The following DMTN variants were observed in gnomAD, a reference collection of about 807,000 sequenced individuals.
The protein encoded by DMTN is dematin actin binding protein.
Under a neutral mutation model 59.4 loss-of-function variants are expected in DMTN, and 27 were observed. That is an observed-to-expected ratio of 0.45 (90% confidence interval 0.33 to 0.63). The LOEUF (loss-of-function observed/expected upper bound fraction) is 0.63. Ranked by LOEUF, DMTN falls within the 20% of genes least tolerant of loss-of-function variation. The probability of loss-of-function intolerance (pLI) is 0.02; values close to 1 mark genes in which losing one functional copy is unlikely to be tolerated. For synonymous variants in DMTN, 221 were observed against 203.7 expected (o/e 1.08, Z -0.72); for missense variants, 451 against 528.9 (o/e 0.85, Z 1.45).
At position 22,061,749 on chromosome 8, in the gene DMTN, ATTTT is replaced by A. The variant is rs1175743497; in HGVS notation, c.-172+4631_-172+4634del. On this transcript the variant is annotated intron_variant, in intron 1 of 15. Coordinates refer to ENST00000358242, the MANE Select transcript of DMTN (RefSeq NM_001387751.1). ...AGATCTGCAGAGAACCTTAATTCTCATTTTTTTTTTTTTTTTTTTTTGGAGACAG... is the reference window on the plus strand; with the variant it reads ...AGATCTGCAGAGAACCTTAATTCTCATTTTTTTTTTTTTTTTTGGAGACAG... 3.8e-4 allele frequency among the ~76,000 whole-genome samples: 45 copies of A among 119,720 alleles called. 1 individual carries two copies. The highest frequency in any genetic ancestry group is 2.9e-3 in the East Asian group (13 of 4,444). 78.5% of individuals were successfully genotyped at this position (119,720 alleles called of 152,430 possible). A position where few individuals can be genotyped will look rare whatever the true frequency, so the allele number is the denominator to read the frequency against.
chr8:22,061,296 A>AAAAAG (rs1393382647), intron 1 of DMTN, among the ~76,000 whole-genome samples: 3 of 146,320 alleles, frequency 2.1e-5, no homozygotes, highest in African/African-American at 8.2e-5. Context: ...AAAAAAAAAA[A>AAAAAG]AAAGAAAGAA....
rs138134793 is a variant in DMTN, at chr8:22,072,339, G to A, written c.618G>A (p.Arg206=). ...PSLAVVETEW[R]KRKASRRGAE... ...TGTGTCTCCTAGAGACAGAATGGAG[G>A]AAGCGGAAGGCGTCTCGGAGGGGAG... Residue 206 remains arginine (R), a synonymous_variant, in exon 9 of 16, where the codon AGG becomes AGA. Transcript: ENST00000358242. The A allele has an allele frequency of 3.7e-5, 60 of 1,601,926 alleles. No homozygotes were observed. The Middle Eastern group carries it at 5.0e-4, about 13-fold the overall frequency.
At position 22,065,827 on chromosome 8, in the gene DMTN, CTTT is replaced by C. The variant is rs76626050; in HGVS notation, c.-171-852_-171-850del. On this transcript the variant is annotated intron_variant, in intron 1 of 15. Coordinates refer to ENST00000358242, the MANE Select transcript of DMTN (RefSeq NM_001387751.1). The stretch of plus-strand genomic sequence containing the variant: ...TCCGGCCTGGGCGACAGAGCAAGAC[CTTT>C]TTTTTTTTTTTTTTTTTTTTTTTTT... Among the ~76,000 whole-genome samples, 14 of 74,594 alleles carry C rather than the reference CTTT, an allele frequency of 1.9e-4. 1 individual carries two copies. Among genetic ancestry groups the C allele is most frequent in the Non-Finnish European group, 3.4e-4 (14 of 41,340 alleles). The allele number at this position is 74,594 out of a possible 152,430, so 48.9% of individuals were successfully genotyped here.
In DMTN at chr8:22,079,267, TAA is replaced by T. The variant is rs1491538257; in HGVS notation, c.836-911_836-910del. ...TCTACAAAAAATAAAAATAAATAAA[TAA>T]ATAAATAAATATATATATATATATA... On this transcript the variant is annotated intron_variant, in intron 10 of 15. Coordinates refer to ENST00000358242, the MANE Select transcript of DMTN (RefSeq NM_001387751.1). 2.1e-3 allele frequency among the ~76,000 whole-genome samples: 99 copies of T among 46,986 alleles called. 2 individuals are homozygous for T. Among genetic ancestry groups the T allele is most frequent in the South Asian group, 6.7e-3 (7 of 1,050 alleles). The allele number at this position is 46,986 out of a possible 152,430, so 30.8% of individuals were successfully genotyped here.
rs571082795 is a variant in DMTN, at chr8:22,080,822, G to A, written c.975G>A (p.Arg325=). The A allele has an allele frequency of 5.0e-6, 8 of 1,602,018 alleles. No individual in the cohort carries two copies. Among genetic ancestry groups the A allele is most frequent in the African/African-American group, 1.3e-5 (1 of 74,740 alleles). ...CTCCCCAGAACGGAGAGGGCCAGAG[G>A]GGGAGGATGGACCGGGGGAACTCCC... ...SPGLQNGEGQ[R]GRMDRGNSLP... Residue 325 remains arginine, a synonymous_variant, in exon 14 of 16, where the codon AGG becomes AGA. Coordinates refer to ENST00000358242, the MANE Select transcript of DMTN (RefSeq NM_001387751.1).
At chr8:22,066,187 T>G (rs148535563) in intron 1 of DMTN, among the ~76,000 whole-genome samples, 1 of 152,334 alleles carries the variant, frequency 6.6e-6, no homozygotes, top group Non-Finnish European at 1.5e-5. Context: ...AAACAAAGTT[T>G]GTGTGAAGTT....
chr8:22,055,222 C>T (rs1802012253), upstream of DMTN, among the ~76,000 whole-genome samples: 1 of 152,122 alleles, frequency 6.6e-6, no homozygotes, highest in Non-Finnish European at 1.5e-5. Flanking sequence ...GGGACCCTTG[C>T]ACCAGAAGAC....
rs1563487795 is a variant in DMTN at position 22,072,319 on chromosome 8, C to T, written c.605-7C>T. 6.3e-7 allele frequency: 1 copy of T among 1,595,790 alleles called. No homozygotes were observed. The highest frequency in any genetic ancestry group is 2.3e-5 in the East Asian group (1 of 43,992). ...ACTCCCTCCCCACCTTTGCTTGTGT[C>T]TCCTAGAGACAGAATGGAGGAAGCG... On this transcript the variant is annotated splice_region_variant and splice_polypyrimidine_tract_variant and intron_variant, in intron 8 of 15. Coordinates refer to ENST00000358242, the MANE Select transcript of DMTN (RefSeq NM_001387751.1).
Position 22,080,817 on chromosome 8 carries a change from C to T in DMTN, c.970C>T (p.Gln324Ter), listed in dbSNP as rs1452465974. 6.2e-7 allele frequency: 1 copy of T among 1,603,254 alleles called. No homozygotes were observed. Among genetic ancestry groups the T allele is most frequent in the Non-Finnish European group, 8.5e-7 (1 of 1,173,076 alleles). Residue 324 changes from glutamine (Q) to a stop codon, truncating the protein, a stop_gained, in exon 14 of 16, where the codon CAG (glutamine) becomes TAG (stop). Coordinates refer to ENST00000358242, the MANE Select transcript of DMTN (RefSeq NM_001387751.1). LOFTEE classifies it high-confidence loss of function. ...GSPGLQNGEG[Q>*]RGRMDRGNSL... ...TTGGTCTCCCCAGAACGGAGAGGGC[C>T]AGAGGGGGAGGATGGACCGGGGGAA...
Position 22,080,855 on chromosome 8 carries a change from T to G in DMTN, c.1008T>G (p.Cys336Trp). 1 of 1,582,262 alleles carries G rather than the reference T, an allele frequency of 6.3e-7. No individual in the cohort carries two copies. The highest frequency in any genetic ancestry group is 8.6e-7 in the Non-Finnish European group (1 of 1,161,396). ...TGGACCGGGGGAACTCCCTGCCCTG[T>G]GTGCTGGAGCAGAAGGTGAGGGGCA... ...GRMDRGNSLP[C>W]VLEQKIYPYE... is the part of the protein sequence containing the mutation. Residue 336 changes from cysteine to tryptophan, a missense_variant, in exon 14 of 16, where the codon TGT becomes TGG. Cys to Trp is a radical substitution (Grantham distance 215, BLOSUM62 -2). Transcript: ENST00000358242.
At chr8:22,070,550 T>G (rs1814546686) in intron 8 of DMTN, among the ~76,000 whole-genome samples, 2 of 152,282 alleles carry the variant, frequency 1.3e-5, no homozygotes, top group Non-Finnish European at 2.9e-5. Context: ...GGTCATTCAT[T>G]TGCTTTCCAT....
chr8:22,069,029 C>A lies in DMTN; in HGVS notation c.263C>A (p.Pro88His). The change falls in exon 5 of 16, where the codon CCC becomes CAC. Residue 88 changes from proline to histidine, a missense_variant. Coordinates refer to ENST00000358242, the MANE Select transcript of DMTN (RefSeq NM_001387751.1). ...CTCCATTCACAGCGCTCGCTGTCAC[C>A]CAAATCCACATCCCCCCCACCATCC... ...LPRSRERSLSPKSTSPPPSPE... is the reference protein window; with the variant it reads ...LPRSRERSLSHKSTSPPPSPE... 1 of 1,612,948 alleles carries A rather than the reference C, an allele frequency of 6.2e-7. No homozygotes were observed. Among genetic ancestry groups the A allele is most frequent in the Non-Finnish European group, 8.5e-7 (1 of 1,179,426 alleles).
At chr8:22,061,299 AG>A (rs377399822) in intron 1 of DMTN, among the ~76,000 whole-genome samples, 3,560 of 141,330 alleles carry the variant, frequency 0.025, 51 homozygotes, top group African/African-American at 0.034. Context: ...AAAAAAAAAA[AG>A]AAAGAAAGAA....
chr8:22,055,960 A>AGCGGTGTGG (rs1802378850), upstream of DMTN, among the ~76,000 whole-genome samples: 1 of 152,192 alleles, frequency 6.6e-6, no homozygotes, highest in South Asian at 2.1e-4. Context: ...CTAGGTAGGC[A>AGCGGTGTGG]AGTCTGCGGT....
chr8:22,064,530 C>T (rs1808985505), intron 1 of DMTN, among the ~76,000 whole-genome samples: 1 of 152,058 alleles, frequency 6.6e-6, no homozygotes, highest in African/African-American at 2.4e-5. Context: ...ACAATCTCGG[C>T]TCACTGCAAG....
intron 1 of DMTN, among the ~76,000 whole-genome samples, chr8:22,063,806 T>C (rs1019738759): frequency 1.3e-5 from 2 of 152,196 alleles, no homozygotes; most frequent in Non-Finnish European, 2.9e-5. Context: ...TGACTTTTCA[T>C]AGTGCTTTAT....
chr8:22,075,315 C>T (rs1232207035), intron 10 of DMTN, among the ~76,000 whole-genome samples: 4 of 151,836 alleles, frequency 2.6e-5, no homozygotes, highest in Non-Finnish European at 4.4e-5. Flanking sequence ...CCTCCCCCTC[C>T]CCCTTCTTCT....
In DMTN at chr8:22,081,601, T is replaced by C; in HGVS notation, c.*138T>C. On this transcript the variant is annotated 3_prime_UTR_variant, in exon 16 of 16. Coordinates refer to ENST00000358242, the MANE Select transcript of DMTN (RefSeq NM_001387751.1). ...AGGTAGAGTGGGGGGCCAAAACCTC[T>C]GCAGTCCCCGGCAGTGAGCTATGGA... The C allele has an allele frequency of 1.4e-6, 1 of 703,864 alleles. No homozygotes were observed. Among genetic ancestry groups the C allele is most frequent in the Non-Finnish European group, 2.5e-6 (1 of 404,534 alleles). The allele number at this position is 703,864 out of a possible 1,614,324, so 43.6% of individuals were successfully genotyped here. A position where few individuals can be genotyped will look rare whatever the true frequency, so the allele number is the denominator to read the frequency against.
intron 10 of DMTN, among the ~76,000 whole-genome samples, chr8:22,078,517 G>A (rs142515653): frequency 1.8e-3 from 277 of 150,800 alleles, no homozygotes; most frequent in Non-Finnish European, 3.3e-3. Flanking sequence ...TGTGGAAACA[G>A]TTGGTATAAA....
Sources: gnomAD v4.1 joint callset for allele counts (sites outside exome capture counted in the v4.1 genomes callset) on GRCh38, gnomAD v4.1.1 for gene constraint, MANE v1.5 for transcripts, NCBI Gene and HGNC (gene_info 2026-07-23, HGNC 2026-07-21) for gene names.